Variants in SNAPC1 observed in about 807,000 individuals in gnomAD.
The protein encoded by SNAPC1 is small nuclear RNA activating complex polypeptide 1, also known as snRNA-activating protein complex subunit 1.
In SNAPC1, 42 loss-of-function variants were observed where a neutral mutation model predicts 50.1. That is an observed-to-expected ratio of 0.84 (90% CI 0.65 to 1.08). SNAPC1 has a LOEUF of 1.08. Among genes scored for constraint, SNAPC1 ranks in the 50% least tolerant of loss-of-function variants. SNAPC1 has a pLI of 0.00. For synonymous variants in SNAPC1, 164 were observed against 144.2 expected (o/e 1.14, Z -0.98); for missense variants, 477 against 427.3 (o/e 1.12, Z -1.02).
intron 8 of SNAPC1, among the ~76,000 whole-genome samples, chr14:61,787,524 G>A (rs2045123667): frequency 6.6e-6 from 1 of 152,156 alleles, no homozygotes; most frequent in Admixed American, 6.5e-5. Context: ...CAGCCACGTG[G>A]TGGAAGATGT....
At chr14:61,779,833 C>T (rs138788754) in intron 7 of SNAPC1, among the ~76,000 whole-genome samples, 1,746 of 151,472 alleles carry the variant, frequency 0.012, 29 homozygotes, top group African/African-American at 0.04. Flanking sequence ...CTCAGCCTCT[C>T]GAGTAGCTGG....
intron 8 of SNAPC1, among the ~76,000 whole-genome samples, chr14:61,790,061 A>G (rs970418555): frequency 7.2e-5 from 11 of 152,192 alleles, no homozygotes; most frequent in Non-Finnish European, 1.3e-4. Context: ...ATGTCTGAGC[A>G]CCTGGGAGGA....
chr14:61,794,667 C>G (rs1340587900), intron 9 of SNAPC1, among the ~76,000 whole-genome samples: 1 of 152,192 alleles, frequency 6.6e-6, no homozygotes, highest in East Asian at 1.9e-4. Context: ...CTTAGCCTCC[C>G]AGAGTGCTGG....
intron 5 of SNAPC1, among the ~76,000 whole-genome samples, chr14:61,776,881 A>G (rs1286937496): frequency 6.6e-6 from 1 of 152,224 alleles, no homozygotes. Context: ...TTTAACCAAA[A>G]GTATTGATGC....
intron 6 of SNAPC1, 141 bp from the exon 7 acceptor site, chr14:61,778,707 A>G (rs917376732): frequency 1.7e-5 from 11 of 642,592 alleles, no homozygotes; most frequent in East Asian, 2.9e-5. Context: ...TGTGTACTCA[A>G]TGTATACCCA....
chr14:61,774,861 C>G (rs887192015), intron 4 of SNAPC1, among the ~76,000 whole-genome samples: 44 of 151,880 alleles, frequency 2.9e-4, no homozygotes, highest in African/African-American at 9.9e-4. Flanking sequence ...CGGGGTTTCT[C>G]CATGTTGGTC....
intron 5 of SNAPC1, among the ~76,000 whole-genome samples, chr14:61,777,610 A>T (rs1021837258): frequency 3.5e-4 from 51 of 144,978 alleles, no homozygotes; most frequent in African/African-American, 1.4e-3. Flanking sequence ...GTTTAGTTTT[A>T]ATTTTTTTTT....
intron 5 of SNAPC1, 143 bp from the exon 6 acceptor site, chr14:61,777,929 G>A (rs904708045): frequency 4.0e-6 from 2 of 505,482 alleles, no homozygotes; most frequent in Non-Finnish European, 3.5e-6. Context: ...TAATCTTAAT[G>A]TTAGGTGGTA....
chr14:61,789,449 C>A (rs570742337), intron 8 of SNAPC1, among the ~76,000 whole-genome samples: 2 of 151,994 alleles, frequency 1.3e-5, no homozygotes, highest in African/African-American at 4.8e-5. Context: ...GAAGTATTAC[C>A]AGTGGTTAAT....
At chr14:61,793,018 A>G (rs2140187627) in intron 9 of SNAPC1, 116 bp downstream of exon 9, 2 of 548,354 alleles carry the variant, frequency 3.6e-6, no homozygotes, top group Non-Finnish European at 3.3e-6. Flanking sequence ...TGATCCTTTC[A>G]TCTTTGACCC....
At chr14:61,765,145 A>T (rs1175781072) in intron 1 of SNAPC1, among the ~76,000 whole-genome samples, 1 of 152,320 alleles carries the variant, frequency 6.6e-6, no homozygotes, top group African/African-American at 2.4e-5. Flanking sequence ...TCATTGTTTT[A>T]TCCAAAGTGG....
intron 8 of SNAPC1, among the ~76,000 whole-genome samples, chr14:61,784,381 A>G (rs72716710): frequency 0.12 from 18,572 of 152,204 alleles, 1,382 homozygotes; most frequent in Non-Finnish European, 0.16. Context: ...TACCACATCA[A>G]TAGGTTAAAG....
At chr14:61,784,337 T>C (rs1393569072) in intron 8 of SNAPC1, among the ~76,000 whole-genome samples, 1 of 152,224 alleles carries the variant, frequency 6.6e-6, no homozygotes, top group Non-Finnish European at 1.5e-5. Flanking sequence ...AGTACACTTA[T>C]TTCAGGATGC....
At chr14:61,770,146 C>T (rs1239268163) in intron 4 of SNAPC1, among the ~76,000 whole-genome samples, 1 of 152,088 alleles carries the variant, frequency 6.6e-6, no homozygotes, top group Non-Finnish European at 1.5e-5. Context: ...TTTTCTCCAG[C>T]CCTACTCAGT....
intron 8 of SNAPC1, among the ~76,000 whole-genome samples, chr14:61,787,510 A>C: frequency 6.6e-6 from 1 of 152,186 alleles, no homozygotes; most frequent in East Asian, 1.9e-4. Context: ...CAGAGACTCC[A>C]GTGCAGCCAC....
intron 1 of SNAPC1, among the ~76,000 whole-genome samples, chr14:61,764,900 C>A (rs1316666598): frequency 6.6e-6 from 1 of 152,188 alleles, no homozygotes; most frequent in African/African-American, 2.4e-5. Context: ...TCCACCCCTG[C>A]ATTGTAATCA....
chr14:61,763,007 T>TTTTC (rs1307663852), intron 1 of SNAPC1, among the ~76,000 whole-genome samples: 8 of 137,234 alleles, frequency 5.8e-5, no homozygotes, highest in African/African-American at 2.1e-4. Flanking sequence ...TTTTTTTTTT[T>TTTTC]TGAGACGGAG....
At chr14:61,794,724 C>T (rs1014489112) in intron 9 of SNAPC1, among the ~76,000 whole-genome samples, 2 of 152,094 alleles carry the variant, frequency 1.3e-5, no homozygotes, top group African/African-American at 4.8e-5. Flanking sequence ...ATGTTTTAAA[C>T]TGCTGTATCA....
At chr14:61,773,618 G>A (rs1373116326) in intron 4 of SNAPC1, among the ~76,000 whole-genome samples, 1 of 150,572 alleles carries the variant, frequency 6.6e-6, no homozygotes, top group African/African-American at 2.4e-5. Context: ...GGATGGTCTT[G>A]ATCTCCTGAC....
Sources: allele counts gnomAD v4.1 joint callset (sites outside exome capture counted in the v4.1 genomes callset), GRCh38; gene constraint gnomAD v4.1.1; transcripts MANE v1.5; gene names NCBI Gene and HGNC (gene_info 2026-07-23, HGNC 2026-07-21).